MBTD1: variants seen among roughly 807,000 people sequenced by gnomAD.
The protein encoded by MBTD1 is MBT domain-containing protein 1.
Under a neutral mutation model 87.8 loss-of-function variants are expected in MBTD1, and 24 were observed. The observed-to-expected ratio is 0.27, with a 90% CI of 0.20 to 0.38. The LOEUF (loss-of-function observed/expected upper bound fraction) is 0.38, where lower values mean the gene tolerates loss of function less well. MBTD1 is among the 10% of genes least tolerant of loss of function. The probability of loss-of-function intolerance (pLI) is 1.00; values close to 1 mark genes in which losing one functional copy is unlikely to be tolerated. For missense variants in MBTD1, 436 were observed against 760.2 expected (o/e 0.57, Z 5.02); for synonymous variants, 237 against 248.6 (o/e 0.95, Z 0.44).
intron 2 of MBTD1, among the ~76,000 whole-genome samples, chr17:51,255,205 C>T (rs2055013873): frequency 2.0e-5 from 3 of 151,788 alleles, no homozygotes; most frequent in South Asian, 2.1e-4. Context: ...CACTTGAACC[C>T]GGGAGGCGGA....
At position 51,179,518 on chromosome 17, in the gene MBTD1, A is replaced by ATATATT. The variant is rs2050226485; in HGVS notation, c.*1057_*1058insAATATA. ...TATATATATATATATATATATATAT[A>ATATATT]TATATATATATATATATATGGAATT... On this transcript the variant is annotated 3_prime_UTR_variant, in exon 17 of 17. Coordinates refer to ENST00000586178, the MANE Select transcript of MBTD1 (RefSeq NM_017643.3). The ATATATT allele has an allele frequency of 9.9e-6, 1 of 100,628 alleles. No individual in the cohort carries two copies. The highest frequency in any genetic ancestry group is 3.6e-5 in the African/African-American group (1 of 28,142). 6.2% of individuals were successfully genotyped at this position (100,628 alleles called of 1,614,324 possible).
intron 7 of MBTD1, 25 bp downstream of exon 7, chr17:51,206,863 C>T (rs1438170058): frequency 1.2e-5 from 18 of 1,444,524 alleles, no homozygotes; most frequent in Non-Finnish European, 1.7e-5. Flanking sequence ...GCATTTTCTA[C>T]TAAACTATTA....
chr17:51,209,421 C>T (rs1307191055), intron 6 of MBTD1: 2 of 471,090 alleles, frequency 4.2e-6, no homozygotes, highest in Non-Finnish European at 8.8e-6. Context: ...CTGGGAGCGA[C>T]TCTCCTTCCC....
At chr17:51,188,120 T>TA (rs1037097472) in intron 16 of MBTD1, among the ~76,000 whole-genome samples, 88 of 152,294 alleles carry the variant, frequency 5.8e-4, no homozygotes, top group African/African-American at 2.1e-3. Context: ...TTTCCTAATA[T>TA]ACCACATACT....
intron 2 of MBTD1, among the ~76,000 whole-genome samples, chr17:51,253,589 A>G (rs764501303): frequency 2.0e-5 from 3 of 152,188 alleles, no homozygotes; most frequent in East Asian, 1.9e-4. Flanking sequence ...TTTTATGTGC[A>G]CTAAGAAAGA....
At chr17:51,230,284 G>A (rs772126365) in intron 2 of MBTD1, among the ~76,000 whole-genome samples, 2 of 152,162 alleles carry the variant, frequency 1.3e-5, no homozygotes, top group East Asian at 3.9e-4. Flanking sequence ...ACAGTGTGGT[G>A]TTATGAACAC....
rs1555677185 is a variant in MBTD1 at position 51,190,750 on chromosome 17, A to AAAAAAT, written c.1768+1452_1768+1453insATTTTT. ...AAAAAAAAAAAAAAAAAAAAAAAAA[A>AAAAAAT]ATATATATATATATATATATAACCT... On this transcript the variant is annotated intron_variant, in intron 16 of 16. Transcript: ENST00000586178. 1.8e-3 allele frequency among the ~76,000 whole-genome samples: 71 copies of AAAAAAT among 39,670 alleles called. 1 individual carries two copies. Among genetic ancestry groups the AAAAAAT allele is most frequent in the African/African-American group, 3.5e-3 (23 of 6,560 alleles). The allele number at this position is 39,670 out of a possible 152,430, so 26.0% of individuals were successfully genotyped here.
intron 2 of MBTD1, among the ~76,000 whole-genome samples, chr17:51,232,443 C>T (rs2053598687): frequency 6.6e-6 from 1 of 151,776 alleles, no homozygotes; most frequent in Non-Finnish European, 1.5e-5. Context: ...TTGACAGAGA[C>T]AGAACATAAA....
At chr17:51,217,556 A>G (rs2052639033) in intron 5 of MBTD1, 140 bp from the exon 6 acceptor site, 4 of 524,834 alleles carry the variant, frequency 7.6e-6, no homozygotes, top group Non-Finnish European at 1.3e-5. Flanking sequence ...AAGATCAAAT[A>G]ACTTCTCTAA....
chr17:51,222,355 G>C (rs1170833936), intron 3 of MBTD1, among the ~76,000 whole-genome samples: 1 of 152,152 alleles, frequency 6.6e-6, no homozygotes, highest in African/African-American at 2.4e-5. Flanking sequence ...TTGATAACAG[G>C]ACTGAGAAAT....
intron 2 of MBTD1, among the ~76,000 whole-genome samples, chr17:51,238,626 A>C (rs1218649317): frequency 3.3e-5 from 5 of 152,236 alleles, no homozygotes; most frequent in Admixed American, 2.6e-4. Flanking sequence ...TTGCAGCAGC[A>C]TGGGGAAAAA....
intron 2 of MBTD1, chr17:51,250,755 T>C (rs1377186024): frequency 6.6e-6 from 1 of 152,212 alleles, no homozygotes; most frequent in Non-Finnish European, 1.5e-5. Flanking sequence ...TCCAGAAAGT[T>C]TTCTTGGATT....
intron 6 of MBTD1, among the ~76,000 whole-genome samples, chr17:51,208,087 T>C (rs998536011): frequency 2.0e-5 from 3 of 152,228 alleles, no homozygotes; most frequent in African/African-American, 7.2e-5. Context: ...ATGTCCTCCA[T>C]GCAAGGCCCC....
At chr17:51,234,733 G>A (rs767387792) in intron 2 of MBTD1, among the ~76,000 whole-genome samples, 35 of 152,248 alleles carry the variant, frequency 2.3e-4, no homozygotes, top group African/African-American at 6.0e-4. Context: ...CGCTCTTGTC[G>A]CCCAGGCTGG....
rs1387479589 is a variant in MBTD1, at chr17:51,220,369, C to T, written c.249G>A (p.Ser83=). 2.6e-6 allele frequency: 4 copies of T among 1,550,506 alleles called. No homozygotes were observed. The highest frequency in any genetic ancestry group is 2.0e-5 in the Admixed American group (1 of 50,950). ...FCSVSCSRSY[S]SNSKKASILA... ...AAATGCTTGCCTTCTTGGAGTTTGA[C>T]GAGTAACTTCTTGAACATGAAACGC... Residue 83 remains serine, a synonymous_variant, in exon 4 of 17, where the codon TCG becomes TCA. Coordinates refer to ENST00000586178, the MANE Select transcript of MBTD1 (RefSeq NM_017643.3).
chr17:51,220,133 T>C (rs1370756745), intron 4 of MBTD1, among the ~76,000 whole-genome samples, 197 bp downstream of exon 4: 2 of 152,260 alleles, frequency 1.3e-5, no homozygotes, highest in Non-Finnish European at 2.9e-5. Flanking sequence ...TTGGATAGTA[T>C]GCCTTATCCA....
intron 2 of MBTD1, chr17:51,256,340 C>T (rs1568249976): frequency 6.6e-6 from 1 of 152,174 alleles, no homozygotes; most frequent in African/African-American, 2.4e-5. Context: ...AGCTTGCTGA[C>T]TTTGTCCAGA....
At chr17:51,194,088 T>C (rs975828186) in intron 13 of MBTD1, among the ~76,000 whole-genome samples, 2 of 152,174 alleles carry the variant, frequency 1.3e-5, no homozygotes, top group Non-Finnish European at 2.9e-5. Context: ...TTTAGAAGAG[T>C]CTAGCACCTA....
At position 51,228,607 on chromosome 17, in the gene MBTD1, C is replaced by CA. The variant is rs5820846; in HGVS notation, c.-48-3399dup. Among the ~76,000 whole-genome samples, 545 of 137,748 alleles carry CA rather than the reference C, an allele frequency of 4.0e-3. 1 individual carries two copies. The highest frequency in any genetic ancestry group is 7.5e-3 in the African/African-American group (283 of 37,734). 90.4% of individuals were successfully genotyped at this position (137,748 alleles called of 152,430 possible). On this transcript the variant is annotated intron_variant, in intron 2 of 16. Coordinates refer to ENST00000586178, the MANE Select transcript of MBTD1 (RefSeq NM_017643.3). ...AGAAAATAGGAGACAATAAAAAGGA[C>CA]AAAAAAAAAAAAAAATTGGGAGGCT...
Sources: allele counts gnomAD v4.1 joint callset (sites outside exome capture counted in the v4.1 genomes callset), GRCh38; gene constraint gnomAD v4.1.1; transcripts MANE v1.5; gene names NCBI Gene and HGNC (gene_info 2026-07-23, HGNC 2026-07-21).